Variants in ZNF251 observed in about 807,000 individuals in gnomAD.
ZNF251 encodes zinc finger protein 251.
A neutral mutation model predicts 13.5 loss-of-function variants in ZNF251; 14 were observed. The observed-to-expected ratio is 1.04, with a 90% CI of 0.69 to 1.63. ZNF251 has a LOEUF of 1.63. Ranked by LOEUF, ZNF251 falls within the 40% of genes most tolerant of loss-of-function variation. The probability of loss-of-function intolerance (pLI) is 0.00; values close to 1 mark genes in which losing one functional copy is unlikely to be tolerated. For missense variants in ZNF251, 764 were observed against 834.9 expected, an observed-to-expected ratio of 0.92 and a Z score of 1.05; for synonymous variants, 287 against 295.2, an observed-to-expected ratio of 0.97 and a Z score of 0.28.
At chr8:144,748,260 G>A (rs1824521634) in intron 4 of ZNF251, among the ~76,000 whole-genome samples, 1 of 151,862 alleles carries the variant, frequency 6.6e-6, no homozygotes, top group South Asian at 2.1e-4. Flanking sequence ...TTTTAGTAGA[G>A]ATGGGGTTTC....
chr8:144,751,007 G>A (rs1411276870), intron 4 of ZNF251, among the ~76,000 whole-genome samples: 1 of 151,838 alleles, frequency 6.6e-6, no homozygotes, highest in Non-Finnish European at 1.5e-5. Flanking sequence ...CCACCACCAC[G>A]CCCAGCTAAT....
chr8:144,732,613 C>T lies in ZNF251; in HGVS notation c.278-9231G>A, dbSNP rs554625673. The stretch of plus-strand genomic sequence containing the variant: ...GAATCACGAGGTCAGGAGATGGAGA[C>T]CATCCTGGCCAACACGGTGAAACCC... On this transcript the variant is annotated intron_variant, in intron 4 of 4. Transcript: ENST00000292562. Among the ~76,000 whole-genome samples, 32 of 150,224 alleles carry T rather than the reference C, an allele frequency of 2.1e-4. No individual in the cohort carries two copies. The South Asian group carries it at 2.3e-3, about 11-fold the overall frequency.
intron 4 of ZNF251, among the ~76,000 whole-genome samples, chr8:144,737,571 G>A (rs746926581): frequency 6.6e-6 from 1 of 151,896 alleles, no homozygotes; most frequent in Non-Finnish European, 1.5e-5. Flanking sequence ...GCTCACACCT[G>A]TAATCCCAGC....
intron 4 of ZNF251, among the ~76,000 whole-genome samples, chr8:144,731,485 C>T (rs1823692452): frequency 6.6e-6 from 1 of 152,168 alleles, no homozygotes; most frequent in South Asian, 2.1e-4. Context: ...ATAATTTTCA[C>T]CTCAAAAGAA....
intron 4 of ZNF251, among the ~76,000 whole-genome samples, chr8:144,729,345 TTTTTTTTG>T (rs1563756776): frequency 6.8e-6 from 1 of 147,142 alleles, no homozygotes; most frequent in Non-Finnish European, 1.5e-5. Flanking sequence ...ATTTTTTTTT[TTTTTTTTG>T]TGAGATAGAG....
intron 4 of ZNF251, among the ~76,000 whole-genome samples, chr8:144,728,374 A>T (rs1028681535): frequency 6.6e-6 from 1 of 152,126 alleles, no homozygotes; most frequent in African/African-American, 2.4e-5. Context: ...TATAAAAAAA[A>T]GGTTTGAGGC....
chr8:144,749,736 T>C (rs994044380), intron 4 of ZNF251, among the ~76,000 whole-genome samples: 1 of 152,174 alleles, frequency 6.6e-6, no homozygotes, highest in Non-Finnish European at 1.5e-5. Context: ...TTACAGCTAA[T>C]ACAAGTCCAC....
At chr8:144,723,716 C>G (rs1322597725) in intron 4 of ZNF251, among the ~76,000 whole-genome samples, 1 of 152,178 alleles carries the variant, frequency 6.6e-6, no homozygotes, top group Non-Finnish European at 1.5e-5. Flanking sequence ...TCTCATGAAG[C>G]TTATGTTCTA....
At chr8:144,753,212 T>G (rs1376335878) in intron 4 of ZNF251, among the ~76,000 whole-genome samples, 1 of 138,972 alleles carries the variant, frequency 7.2e-6, no homozygotes, top group Admixed American at 7.9e-5. Context: ...TACGTGGAGG[T>G]TGCAGTGAGC....
chr8:144,724,181 G>A (rs993660194), intron 4 of ZNF251, among the ~76,000 whole-genome samples: 6 of 144,118 alleles, frequency 4.2e-5, no homozygotes, highest in South Asian at 4.4e-4. Flanking sequence ...GAGGCGGAGC[G>A]AACCCGGGAG....
At chr8:144,724,768 TAAATG>T (rs543141665) in intron 4 of ZNF251, among the ~76,000 whole-genome samples, 7 of 152,302 alleles carry the variant, frequency 4.6e-5, no homozygotes, top group Admixed American at 3.9e-4. Flanking sequence ...GATATATAAT[TAAATG>T]AAAAGCTCAT....
chr8:144,727,986 C>G (rs1368631203), intron 4 of ZNF251, among the ~76,000 whole-genome samples: 1 of 152,138 alleles, frequency 6.6e-6, no homozygotes, highest in Non-Finnish European at 1.5e-5. Context: ...AGAAGTTTTG[C>G]TTTGCATTCA....
chr8:144,742,023 G>A (rs1203339449), intron 4 of ZNF251, among the ~76,000 whole-genome samples: 1 of 152,038 alleles, frequency 6.6e-6, no homozygotes, highest in African/African-American at 2.4e-5. Context: ...TAAAAACCAA[G>A]AGGCCGGTGC....
At chr8:144,732,760 C>T (rs1467506436) in intron 4 of ZNF251, among the ~76,000 whole-genome samples, 3 of 147,792 alleles carry the variant, frequency 2.0e-5, no homozygotes, top group East Asian at 4.2e-4. Flanking sequence ...TGCAGTGAGC[C>T]AAGATCGCAC....
intron 4 of ZNF251, among the ~76,000 whole-genome samples, chr8:144,725,410 G>GCTC (rs1174239961): frequency 5.9e-5 from 9 of 151,418 alleles, no homozygotes; most frequent in Non-Finnish European, 1.2e-4. Context: ...CCCACTTCAG[G>GCTC]CTCCCGAGTA....
At chr8:144,736,545 G>A (rs996419557) in intron 4 of ZNF251, among the ~76,000 whole-genome samples, 12 of 151,754 alleles carry the variant, frequency 7.9e-5, no homozygotes, top group African/African-American at 2.9e-4. Flanking sequence ...AGGCTAGAGT[G>A]CAATGGCATG....
chr8:144,722,198 G>A lies in ZNF251; in HGVS notation c.1462C>T (p.Pro488Ser). ...TTCCCACAGTCACCACAGTCATAGG[G>A]CTTCTCTCCAGTGTGAACTCGCTGA... is the stretch of plus-strand genomic sequence containing the variant. The part of the protein sequence containing the change: ...LHQRVHTGEK[P>S]YDCGDCGKAF... Residue 488 changes from proline to serine, a missense_variant, in exon 5 of 5, where the codon CCC becomes TCC. Physicochemically the swap from Pro to Ser is moderately conservative, Grantham distance 74. Transcript: ENST00000292562. The surrounding 1 kb of genome is among the most constrained non-coding windows in gnomAD (Gnocchi z 4.8). 3 of 1,614,174 alleles carry A rather than the reference G, an allele frequency of 1.9e-6. No homozygotes were observed. The highest frequency in any genetic ancestry group is 2.5e-6 in the Non-Finnish European group (3 of 1,180,014).
Position 144,738,789 on chromosome 8 carries a change from T to C in ZNF251, c.277+14894A>G, listed in dbSNP as rs544638126. 133 of 985,030 alleles carry C rather than the reference T, an allele frequency of 1.4e-4. 3 individuals carry two copies. In the South Asian group the frequency reaches 5.3e-3, roughly 39 times the overall value. 61.0% of individuals were successfully genotyped at this position (985,030 alleles called of 1,614,324 possible). ...TTGTGGAAACAGCACAGTTCTCTCA[T>C]TCAAGGCAACCTCCTGGGGGCACCT... is the stretch of plus-strand genomic sequence containing the variant. On this transcript the variant is annotated intron_variant, in intron 4 of 4. Coordinates refer to ENST00000292562, the MANE Select transcript of ZNF251 (RefSeq NM_138367.2).
chr8:144,746,078 C>A (rs556274827), intron 4 of ZNF251, among the ~76,000 whole-genome samples: 1 of 152,322 alleles, frequency 6.6e-6, no homozygotes, highest in South Asian at 2.1e-4. Context: ...GTGTTTTTAA[C>A]TTCAAATTCC....
Sources: gnomAD v4.1 joint callset for allele counts (sites outside exome capture counted in the v4.1 genomes callset) on GRCh38, gnomAD v4.1.1 for gene constraint, Gnocchi (gnomAD v3.1) non-coding constraint, MANE v1.5 for transcripts, NCBI Gene and HGNC (gene_info 2026-07-23, HGNC 2026-07-21) for gene names.